Variants in CACNB2 observed in about 807,000 individuals in gnomAD.
The protein encoded by CACNB2 is calcium voltage-gated channel auxiliary subunit beta 2, also known as voltage-dependent L-type calcium channel subunit beta-2.
CACNB2 carries 42 observed loss-of-function variants against 73.3 expected under a neutral mutation model. That is an observed-to-expected ratio of 0.57 (90% CI 0.45 to 0.74). The LOEUF (loss-of-function observed/expected upper bound fraction) is 0.74. CACNB2 is among the 30% of genes least tolerant of loss of function. The pLI, the probability that CACNB2 is intolerant of heterozygous loss-of-function variation, is 0.00. For missense variants in CACNB2, 940 were observed against 853.0 expected (o/e 1.10, Z -1.27); for synonymous variants, 348 against 310.3 (o/e 1.12, Z -1.28).
chr10:18,358,012 A>G (rs2041992674), intron 2 of CACNB2, among the ~76,000 whole-genome samples: 1 of 152,202 alleles, frequency 6.6e-6, no homozygotes, highest in South Asian at 2.1e-4. Context: ...GTGCATGGCA[A>G]ATATTTAAAG....
intron 2 of CACNB2, among the ~76,000 whole-genome samples, chr10:18,289,223 G>C (rs2038941382): frequency 1.4e-5 from 2 of 147,956 alleles, no homozygotes; most frequent in Non-Finnish European, 3.0e-5. Flanking sequence ...CCCCTCCCCA[G>C]CAAAAAAATC....
intron 3 of CACNB2, among the ~76,000 whole-genome samples, chr10:18,473,295 T>C (rs1242369145): frequency 6.6e-6 from 1 of 152,124 alleles, no homozygotes; most frequent in African/African-American, 2.4e-5. Flanking sequence ...TGGATAGGAG[T>C]ATTTCAATTC....
intron 7 of CACNB2, 95 bp downstream of exon 7, chr10:18,514,464 A>G: frequency 6.2e-7 from 1 of 1,613,978 alleles, no homozygotes; most frequent in Non-Finnish European, 8.5e-7. Flanking sequence ...TTGATAAGCC[A>G]ATAACGTGCA....
chr10:18,425,416 C>T (rs2045544764), intron 3 of CACNB2, among the ~76,000 whole-genome samples: 1 of 152,164 alleles, frequency 6.6e-6, no homozygotes, highest in Non-Finnish European at 1.5e-5. Flanking sequence ...CCTGTAACCC[C>T]ATTACTTTGG....
chr10:18,316,286 A>C (rs1271189111), intron 2 of CACNB2, among the ~76,000 whole-genome samples: 1 of 152,116 alleles, frequency 6.6e-6, no homozygotes, highest in Non-Finnish European at 1.5e-5. Context: ...TAGTATCTAA[A>C]ACAGGAGCTG....
chr10:18,186,484 G>A (rs955040663), intron 2 of CACNB2, among the ~76,000 whole-genome samples: 27 of 152,178 alleles, frequency 1.8e-4, no homozygotes, highest in African/African-American at 6.0e-4. Flanking sequence ...AAGTTTAATT[G>A]GCTCACAGTT....
At chr10:18,185,164 G>A (rs374226778) in intron 2 of CACNB2, among the ~76,000 whole-genome samples, 36 of 152,100 alleles carry the variant, frequency 2.4e-4, no homozygotes, top group Admixed American at 5.2e-4. Context: ...TGACCTTGAC[G>A]GTTTTGAAGA....
chr10:18,231,101 C>G (rs1358406528), intron 2 of CACNB2, among the ~76,000 whole-genome samples: 2 of 152,198 alleles, frequency 1.3e-5, no homozygotes, highest in Admixed American at 6.5e-5. Context: ...CACATGCAAA[C>G]TAAAAAGTAT....
chr10:18,486,870 C>G (rs1414930164), intron 3 of CACNB2, among the ~76,000 whole-genome samples: 3 of 152,114 alleles, frequency 2.0e-5, no homozygotes, highest in Admixed American at 6.6e-5. Context: ...GGTTCATTGT[C>G]TCACGGCAGG....
At position 18,540,883 on chromosome 10, in the gene CACNB2, A is replaced by C. The variant is rs1564683973; in HGVS notation, c.*1159A>C. 6.6e-6 allele frequency: 1 copy of C among 152,610 alleles called. No individual in the cohort carries two copies. The highest frequency in any genetic ancestry group is 2.1e-4 in the South Asian group (1 of 4,826). 9.5% of individuals were successfully genotyped at this position (152,610 alleles called of 1,614,324 possible). A position where few individuals can be genotyped will look rare whatever the true frequency, so the allele number is the denominator to read the frequency against. Reference sequence around the variant, plus strand: ...TATATGTTGCTTTAACAACCCATTGAGCAGTCAGGGAATGTGAGTAAGCTT... The same window carrying C: ...TATATGTTGCTTTAACAACCCATTGCGCAGTCAGGGAATGTGAGTAAGCTT... On this transcript the variant is annotated 3_prime_UTR_variant, in exon 14 of 14. Coordinates refer to ENST00000324631, the MANE Select transcript of CACNB2 (RefSeq NM_201596.3).
intron 2 of CACNB2, among the ~76,000 whole-genome samples, chr10:18,304,629 C>A (rs867456378): frequency 5.9e-5 from 9 of 152,136 alleles, no homozygotes; most frequent in African/African-American, 1.9e-4. Context: ...GGCAAGGAAC[C>A]AAAGGCAGCG....
At chr10:18,451,708 G>T (rs1564565049) in intron 3 of CACNB2, among the ~76,000 whole-genome samples, 1 of 152,128 alleles carries the variant, frequency 6.6e-6, no homozygotes, top group Non-Finnish European at 1.5e-5. Context: ...ATATTCTCCT[G>T]TGTCACAGCT....
intron 10 of CACNB2, among the ~76,000 whole-genome samples, chr10:18,530,139 A>G (rs1270562480): frequency 6.6e-6 from 1 of 152,170 alleles, no homozygotes; most frequent in Non-Finnish European, 1.5e-5. Context: ...CTCCTGTGAC[A>G]CATGGGAATT....
intron 3 of CACNB2, among the ~76,000 whole-genome samples, chr10:18,442,972 G>GTA (rs1171432723): frequency 3.0e-4 from 4 of 13,532 alleles, no homozygotes; most frequent in Admixed American, 7.3e-4. Flanking sequence ...ATATATATGT[G>GTA]TATATATATA....
chr10:18,261,111 T>A (rs1430361175), intron 2 of CACNB2: 1 of 1,476,164 alleles, frequency 6.8e-7, no homozygotes, highest in Admixed American at 2.1e-5. Context: ...GAACGGTGGC[T>A]TTTTTAGAAA....
chr10:18,301,861 C>A (rs540077165), intron 2 of CACNB2, among the ~76,000 whole-genome samples: 49 of 152,024 alleles, frequency 3.2e-4, no homozygotes, highest in Admixed American at 9.8e-4. Context: ...GTTGGCCAGG[C>A]TGGTCTCGAT....
At chr10:18,269,494 A>T (rs1312783876) in intron 2 of CACNB2, among the ~76,000 whole-genome samples, 1 of 152,226 alleles carries the variant, frequency 6.6e-6, no homozygotes, top group Non-Finnish European at 1.5e-5. Flanking sequence ...GGTGAATGGT[A>T]ACATAACATT....
chr10:18,442,973 T>C (rs1362329525), intron 3 of CACNB2, among the ~76,000 whole-genome samples: 2 of 15,880 alleles, frequency 1.3e-4, no homozygotes, highest in African/African-American at 1.7e-3. Flanking sequence ...TATATATGTG[T>C]ATATATATAT....
chr10:18,204,102 G>C (rs1014927288), intron 2 of CACNB2, among the ~76,000 whole-genome samples: 12 of 152,194 alleles, frequency 7.9e-5, no homozygotes, highest in Non-Finnish European at 1.8e-4. Flanking sequence ...AATAGACAAA[G>C]AGACCTACTG....
Sources: allele counts gnomAD v4.1 joint callset (sites outside exome capture counted in the v4.1 genomes callset), GRCh38; gene constraint gnomAD v4.1.1; transcripts MANE v1.5; gene names NCBI Gene and HGNC (gene_info 2026-07-23, HGNC 2026-07-21).